The following SCN10A variants were observed in gnomAD, a reference collection of about 807,000 sequenced individuals.
SCN10A encodes the protein sodium voltage-gated channel alpha subunit 10, also known as sodium channel protein type 10 subunit alpha.
A neutral mutation model predicts 170.7 loss-of-function variants in SCN10A; 162 were observed. That is an observed-to-expected ratio of 0.95 (90% CI 0.84 to 1.08). The LOEUF is 1.08. Ranked by LOEUF, SCN10A falls within the 50% of genes least tolerant of loss-of-function variation. The pLI, the probability that SCN10A is intolerant of heterozygous loss-of-function variation, is 0.00. For missense variants in SCN10A, 2,527 were observed against 2,436.9 expected, an observed-to-expected ratio of 1.04 and a Z score of -0.78; for synonymous variants, 985 against 904.6, an observed-to-expected ratio of 1.09 and a Z score of -1.59.
chr3:38,706,270 G>C (rs6599245), intron 26 of SCN10A, among the ~76,000 whole-genome samples: 141,725 of 152,328 alleles, frequency 0.93, 65,985 homozygotes, highest in Middle Eastern at 0.97. Context: ...AAATCTAATA[G>C]CTTGGCTAAC....
chr3:38,763,956 G>A (rs1376931990), intron 5 of SCN10A, among the ~76,000 whole-genome samples: 1 of 152,176 alleles, frequency 6.6e-6, no homozygotes, highest in African/African-American at 2.4e-5. Flanking sequence ...CAGGCTAACT[G>A]TTATCTCAGA....
chr3:38,725,185 C>A lies in SCN10A; in HGVS notation c.3217G>T (p.Val1073Phe). 1.9e-6 allele frequency: 3 copies of A among 1,599,026 alleles called. No homozygotes were observed. In the African/African-American group the frequency reaches 4.0e-5, roughly 21 times the overall value. The change falls in exon 18 of 28, where the codon GTC (valine) becomes TTC (phenylalanine). Residue 1073 changes from valine (V) to phenylalanine (F), a missense_variant. By Grantham distance (50) the Val-to-Phe change is conservative. Transcript: ENST00000449082. The stretch of plus-strand genomic sequence containing the variant: ...GCTGACATACCTACCTCAGCAGGGA[C>A]CTGAGGAACAGACTCATCTTTCCAC... ...ETWKDESVPQVPAEGVDDTSS... is the reference protein window; with the variant it reads ...ETWKDESVPQFPAEGVDDTSS...
intron 3 of SCN10A, among the ~76,000 whole-genome samples, chr3:38,791,331 G>C (rs146542549): frequency 6.6e-6 from 1 of 152,222 alleles, no homozygotes; most frequent in African/African-American, 2.4e-5. Flanking sequence ...TACTAGTTTG[G>C]CTTGCCTTGC....
intron 12 of SCN10A, 101 bp downstream of exon 12, chr3:38,752,118 G>C: frequency 9.3e-7 from 1 of 1,080,686 alleles, no homozygotes; most frequent in Middle Eastern, 2.2e-4. Flanking sequence ...TGGACAGGAT[G>C]ATGGCTAAAG....
chr3:38,755,562 A>C (rs1184026580), intron 11 of SCN10A, among the ~76,000 whole-genome samples: 1 of 151,992 alleles, frequency 6.6e-6, no homozygotes, highest in African/African-American at 2.4e-5. Context: ...CCACAATCCC[A>C]ATCTTGTTGA....
chr3:38,794,803 C>G (rs9879472), intron 1 of SCN10A, among the ~76,000 whole-genome samples: 20,835 of 152,232 alleles, frequency 0.14, 1,531 homozygotes, highest in South Asian at 0.25. Context: ...CAAATACACT[C>G]TTTTCTCACT....
In SCN10A at chr3:38,726,840, G is replaced by A. The variant is rs767245856; in HGVS notation, c.2853C>T (p.Leu951=). The A allele has an allele frequency of 4.3e-6, 7 of 1,613,890 alleles. No individual in the cohort carries two copies. Among genetic ancestry groups the A allele is most frequent in the South Asian group, 2.2e-5 (2 of 91,084 alleles). Residue 951 remains leucine, a synonymous_variant, in exon 17 of 28, where the codon CTC becomes CTT. Transcript: ENST00000449082. ...TCTCAGCCTTGGAGCTGGAGAGTGG[G>A]AGTTTCACCACCAGCTCAGGCTCTG... ...PKAEPELVVK[L]PLSSSKAENH...
chr3:38,807,451 C>A (rs906178499), intron 1 of SCN10A, among the ~76,000 whole-genome samples: 11 of 152,154 alleles, frequency 7.2e-5, no homozygotes, highest in African/African-American at 2.7e-4. Context: ...GACCTCCAGG[C>A]TGACAATTCC....
rs1333728789 is a variant in SCN10A at position 38,750,090 on chromosome 3, A to G, written c.1850T>C (p.Ile617Thr). ...GCACTTACCCTCAAGGACGGAGGTT[A>G]TGATACTGACAACACTCATTGCCCT... is the stretch of plus-strand genomic sequence containing the variant. ...AQRAMSVVSI[I>T]TSVLEELEES... The change falls in exon 13 of 28, where the codon ATA (isoleucine) becomes ACA (threonine). Residue 617 changes from isoleucine to threonine, a missense_variant. Transcript: ENST00000449082. The G allele has an allele frequency of 1.9e-6, 3 of 1,604,682 alleles. No individual in the cohort carries two copies. Among genetic ancestry groups the G allele is most frequent in the South Asian group, 2.2e-5 (2 of 90,610 alleles).
rs1409110506 is a variant in SCN10A, at chr3:38,728,784, C to G, written c.2398G>C (p.Val800Leu). Reference protein sequence around the residue: ...LTIILAIIVFVFALVGKQLLG... With the variant: ...LTIILAIIVFLFALVGKQLLG... Reference sequence around the variant, plus strand: ...AGCTGCTTGCCAACCAGAGCAAAGACAAAGACAATGATGGCCAGGATGATG... The same window carrying G: ...AGCTGCTTGCCAACCAGAGCAAAGAGAAAGACAATGATGGCCAGGATGATG... The change falls in exon 16 of 28, where the codon GTC becomes CTC. Residue 800 changes from valine (V) to leucine (L), a missense_variant. Val to Leu is a conservative substitution (Grantham distance 32). Transcript: ENST00000449082. The G allele has an allele frequency of 3.1e-6, 5 of 1,614,174 alleles. No individual in the cohort carries two copies.
chr3:38,792,087 G>A lies in SCN10A; in HGVS notation c.352C>T (p.Leu118=), dbSNP rs989355332. 2 of 1,613,736 alleles carry A rather than the reference G, an allele frequency of 1.2e-6. No individual in the cohort carries two copies. The highest frequency in any genetic ancestry group is 2.7e-5 in the African/African-American group (2 of 74,870). ...ACTTTGATGGCCGTTCTTCTGATCA[G>A]GTTGAAAGGACTGAATAGCCACAGG... is the stretch of plus-strand genomic sequence containing the variant. The part of the protein sequence containing the change: ...RALWLFSPFN[L]IRRTAIKVSV... Residue 118 remains leucine (L), a synonymous_variant, in exon 3 of 28, where the codon CTG becomes TTG. Transcript: ENST00000449082.
intron 26 of SCN10A, among the ~76,000 whole-genome samples, chr3:38,705,715 G>C (rs2063203381): frequency 6.6e-6 from 1 of 152,152 alleles, no homozygotes; most frequent in Non-Finnish European, 1.5e-5. Context: ...AGTAGTATGT[G>C]GGGGAAGGTG....
At chr3:38,780,618 G>A (rs1255140616) in intron 4 of SCN10A, among the ~76,000 whole-genome samples, 1 of 151,630 alleles carries the variant, frequency 6.6e-6, no homozygotes, top group East Asian at 1.9e-4. Context: ...ATGTGACCAT[G>A]TTATACATCA....
chr3:38,744,909 T>G (rs982223671), intron 13 of SCN10A, among the ~76,000 whole-genome samples: 9 of 152,236 alleles, frequency 5.9e-5, no homozygotes, highest in Non-Finnish European at 8.8e-5. Context: ...TTTTAATCAC[T>G]GACTGGATTT....
intron 3 of SCN10A, 123 bp downstream of exon 3, chr3:38,791,921 TAATGAC>T: frequency 7.9e-7 from 1 of 1,259,148 alleles, no homozygotes; most frequent in Non-Finnish European, 1.1e-6. Flanking sequence ...TTTTTCAATC[TAATGAC>T]CTCATTGTAC....
intron 1 of SCN10A, among the ~76,000 whole-genome samples, chr3:38,814,379 C>T (rs748564838): frequency 2.0e-5 from 3 of 152,002 alleles, no homozygotes; most frequent in Non-Finnish European, 4.4e-5. Flanking sequence ...AGAGGGGGAG[C>T]TAAGGGGAAT....
At chr3:38,750,041 A>T in intron 13 of SCN10A, 32 bp downstream of exon 13, 2 of 1,186,902 alleles carry the variant, frequency 1.7e-6, no homozygotes, top group Non-Finnish European at 1.3e-6. Context: ...ATCATGACAC[A>T]GTGGATGAAC....
intron 4 of SCN10A, among the ~76,000 whole-genome samples, chr3:38,779,677 T>C (rs2064115274): frequency 6.6e-6 from 1 of 152,040 alleles, no homozygotes; most frequent in East Asian, 1.9e-4. Context: ...TGTATGTCTT[T>C]AACTGCACTC....
At chr3:38,724,380 C>A (rs1279472272) in intron 18 of SCN10A, among the ~76,000 whole-genome samples, 1 of 152,228 alleles carries the variant, frequency 6.6e-6, no homozygotes. Context: ...AAATTAAATT[C>A]TTGAATTGAA....
Sources: allele counts gnomAD v4.1 joint callset (sites outside exome capture counted in the v4.1 genomes callset), GRCh38; gene constraint gnomAD v4.1.1; transcripts MANE v1.5; gene names NCBI Gene and HGNC (gene_info 2026-07-23, HGNC 2026-07-21).